The following RYR2 variants were observed in gnomAD, a reference collection of about 807,000 sequenced individuals.
RYR2 encodes ryanodine receptor 2.
In RYR2, 227 loss-of-function variants were observed where a neutral mutation model predicts 601.1. That is an observed-to-expected ratio of 0.38 (90% CI 0.34 to 0.42). The LOEUF (loss-of-function observed/expected upper bound fraction) is 0.42, where lower values mean the gene tolerates loss of function less well. RYR2 is among the 10% of genes least tolerant of loss of function. RYR2 has a pLI of 1.00. For missense variants in RYR2, 4,646 were observed against 6,156.5 expected (o/e 0.75, Z 8.21); for synonymous variants, 2,223 against 2,175.1 (o/e 1.02, Z -0.61).
At chr1:237,522,868 G>A (rs953007290) in intron 24 of RYR2, among the ~76,000 whole-genome samples, 7 of 151,996 alleles carry the variant, frequency 4.6e-5, no homozygotes, top group Non-Finnish European at 1.0e-4. Flanking sequence ...TGCATGTAAG[G>A]CCAAGAACCT....
chr1:237,662,140 T>G (rs1382172833), intron 56 of RYR2, among the ~76,000 whole-genome samples: 1 of 152,140 alleles, frequency 6.6e-6, no homozygotes, highest in Non-Finnish European at 1.5e-5. Context: ...AATTTGACCT[T>G]GGTCAAATTT....
chr1:237,754,973 T>C, intron 80 of RYR2: 1 of 696,278 alleles, frequency 1.4e-6, no homozygotes, highest in Non-Finnish European at 2.1e-6. Context: ...TTTAGGCCTA[T>C]CACATAATTT....
intron 1 of RYR2, among the ~76,000 whole-genome samples, chr1:237,191,418 G>GTTT (rs113524775): frequency 6.9e-6 from 1 of 145,504 alleles, no homozygotes; most frequent in Non-Finnish European, 1.5e-5. Context: ...AATTTTATGG[G>GTTT]TTTTTTTTTT....
chr1:237,411,084 CAT>C (rs1037959964), intron 10 of RYR2, among the ~76,000 whole-genome samples: 126 of 152,154 alleles, frequency 8.3e-4, no homozygotes, highest in African/African-American at 3.0e-3. Context: ...TGATTTTACT[CAT>C]GTGTGGAATT....
chr1:237,539,996 T>C (rs1317388253), intron 25 of RYR2, among the ~76,000 whole-genome samples: 1 of 152,162 alleles, frequency 6.6e-6, no homozygotes, highest in African/African-American at 2.4e-5. Flanking sequence ...GAAGAATGGA[T>C]GATTCGTTGT....
intron 29 of RYR2, among the ~76,000 whole-genome samples, chr1:237,582,423 A>G (rs954300569): frequency 1.8e-4 from 28 of 152,068 alleles, no homozygotes; most frequent in African/African-American, 6.7e-4. Flanking sequence ...ATTCTTTAAA[A>G]AAAAAAAAAA....
chr1:237,317,381 A>G (rs1305022808), intron 2 of RYR2, among the ~76,000 whole-genome samples: 3 of 152,214 alleles, frequency 2.0e-5, no homozygotes. Flanking sequence ...AAAAGTTTAA[A>G]CATAGTTGCA....
chr1:237,768,718 A>G (rs187402883), intron 84 of RYR2, among the ~76,000 whole-genome samples: 8 of 152,332 alleles, frequency 5.3e-5, no homozygotes, highest in Middle Eastern at 3.4e-3. Context: ...GCCATCATCC[A>G]TCTCTGTTAC....
chr1:237,497,154 A>G (rs1191994477), intron 20 of RYR2, among the ~76,000 whole-genome samples: 2 of 152,206 alleles, frequency 1.3e-5, no homozygotes, highest in Non-Finnish European at 2.9e-5. Flanking sequence ...AACAAAAAAC[A>G]AATCTTGGAA....
chr1:237,132,628 C>G (rs1048815094), intron 1 of RYR2, among the ~76,000 whole-genome samples: 1 of 152,112 alleles, frequency 6.6e-6, no homozygotes, highest in South Asian at 2.1e-4. Flanking sequence ...AACTGAACAT[C>G]ACATCTGAGA....
At chr1:237,472,689 A>C (rs547459674) in intron 17 of RYR2, among the ~76,000 whole-genome samples, 1 of 152,092 alleles carries the variant, frequency 6.6e-6, no homozygotes, top group South Asian at 2.1e-4. Context: ...TTTGTAAAAA[A>C]AAAAAAGTGA....
intron 24 of RYR2, among the ~76,000 whole-genome samples, chr1:237,521,529 G>A: frequency 6.7e-6 from 1 of 149,974 alleles, no homozygotes; most frequent in Non-Finnish European, 1.5e-5. Context: ...AGAGCAGCCT[G>A]GCCAACATGG....
intron 79 of RYR2, among the ~76,000 whole-genome samples, chr1:237,741,038 A>G (rs1320142333): frequency 6.6e-6 from 1 of 152,200 alleles, no homozygotes; most frequent in South Asian, 2.1e-4. Context: ...TTCTGAGGGA[A>G]TCATTAACAT....
At chr1:237,626,395 C>T (rs991158589) in intron 40 of RYR2, among the ~76,000 whole-genome samples, 1 of 151,556 alleles carries the variant, frequency 6.6e-6, no homozygotes, top group Non-Finnish European at 1.5e-5. Flanking sequence ...ATAGCTTTCC[C>T]TGAAATAAAA....
chr1:237,491,934 C>A lies in RYR2; in HGVS notation c.1827+10C>A, dbSNP rs1287580332. The A allele has an allele frequency of 2.8e-6, 3 of 1,062,174 alleles. No individual in the cohort carries two copies. Among genetic ancestry groups the A allele is most frequent in the East Asian group, 5.2e-5 (2 of 38,616 alleles). 65.8% of individuals were successfully genotyped at this position (1,062,174 alleles called of 1,614,324 possible). A position where few individuals can be genotyped will look rare whatever the true frequency, so the allele number is the denominator to read the frequency against. ...TGGAAGAAATCACAAGGTAAATGAA[C>A]TATTTTATTTCCCTGAATGAATTCT... is the stretch of plus-strand genomic sequence containing the variant. On this transcript the variant is annotated intron_variant, in intron 18 of 104. Coordinates refer to ENST00000366574, the MANE Select transcript of RYR2 (RefSeq NM_001035.3).
intron 10 of RYR2, among the ~76,000 whole-genome samples, chr1:237,408,694 A>G (rs951867867): frequency 1.3e-5 from 2 of 152,064 alleles, no homozygotes; most frequent in African/African-American, 4.8e-5. Context: ...CTTTAGAATC[A>G]GTTTGTTAAT....
chr1:237,591,114 TTCCCCCTTCTCCTCC>T (rs1675117730), intron 31 of RYR2, 122 bp downstream of exon 31: 3 of 89,358 alleles, frequency 3.4e-5, no homozygotes, highest in Admixed American at 2.8e-4. Flanking sequence ...CCTCCTCCTC[TTCCCCCTTCTCCTCC>T]TCCCCCTCCT....
intron 76 of RYR2, 90 bp downstream of exon 76, chr1:237,727,289 A>G (rs1476763280): frequency 1.2e-5 from 6 of 518,168 alleles, no homozygotes; most frequent in South Asian, 4.6e-5. Flanking sequence ...TAGGGGTACA[A>G]TAGTCCAAGA....
intron 79 of RYR2, among the ~76,000 whole-genome samples, chr1:237,736,356 G>T (rs948732449): frequency 1.3e-5 from 2 of 151,816 alleles, no homozygotes; most frequent in Non-Finnish European, 2.9e-5. Context: ...AGCTCCTCAG[G>T]AGGCTGAGGC....
Sources: allele counts gnomAD v4.1 joint callset (sites outside exome capture counted in the v4.1 genomes callset), GRCh38; gene constraint gnomAD v4.1.1; transcripts MANE v1.5; gene names NCBI Gene and HGNC (gene_info 2026-07-23, HGNC 2026-07-21).